The following TRAPPC12 variants were observed in gnomAD, a reference collection of about 807,000 sequenced individuals.
TRAPPC12 encodes TPR repeat protein 15.
TRAPPC12 carries 61 observed loss-of-function variants against 69.2 expected under a neutral mutation model. That is an observed-to-expected ratio of 0.88 (90% CI 0.72 to 1.09). The LOEUF is 1.09. Among genes scored for constraint, TRAPPC12 ranks in the 50% least tolerant of loss-of-function variants. The pLI, the probability that TRAPPC12 is intolerant of heterozygous loss-of-function variation, is 0.00. For missense variants in TRAPPC12, 1,101 were observed against 1,016.4 expected (o/e 1.08, Z -1.13); for synonymous variants, 469 against 438.9 (o/e 1.07, Z -0.86).
In TRAPPC12 at chr2:3,390,877, G is replaced by A. The variant is rs779928314; in HGVS notation, c.1047+2207G>A. Among the ~76,000 whole-genome samples the A allele has an allele frequency of 3.9e-5, 6 of 152,066 alleles. 1 individual carries two copies. In the South Asian group the frequency reaches 1.0e-3, roughly 26 times the overall value. ...AAGATCTCTATACCCGCTTAATTTCGCAGCAAACCTAAAAGTCCTCTAAGT... is the reference window on the plus strand; with the variant it reads ...AAGATCTCTATACCCGCTTAATTTCACAGCAAACCTAAAAGTCCTCTAAGT... On this transcript the variant is annotated intron_variant, in intron 2 of 11. Coordinates refer to ENST00000324266, the MANE Select transcript of TRAPPC12 (RefSeq NM_016030.6).
intron 9 of TRAPPC12, among the ~76,000 whole-genome samples, chr2:3,475,488 T>C (rs893909301): frequency 2.7e-5 from 4 of 148,306 alleles, no homozygotes; most frequent in African/African-American, 1.0e-4. Context: ...ATTGCATTTT[T>C]ATGTTTAATT....
intron 3 of TRAPPC12, among the ~76,000 whole-genome samples, chr2:3,419,829 G>C (rs1453091054): frequency 6.6e-6 from 1 of 152,140 alleles, no homozygotes; most frequent in African/African-American, 2.4e-5. Flanking sequence ...TGAAACGCAT[G>C]CCAGTTAGAG....
chr2:3,388,391 C>G lies in TRAPPC12; in HGVS notation c.768C>G (p.Thr256=). 1 of 1,603,230 alleles carries G rather than the reference C, an allele frequency of 6.2e-7. No individual in the cohort carries two copies. Residue 256 remains threonine, a synonymous_variant, in exon 2 of 12, where the codon ACC becomes ACG. Transcript: ENST00000324266. ...ASPPPLAVPG[T]EGRPEPVAMR... is the part of the protein sequence containing the mutation. ...CGCCTCCCCTCGCTGTGCCCGGGACCGAGGGGCGCCCCGAACCCGTGGCCA... is the reference window on the plus strand; with the variant it reads ...CGCCTCCCCTCGCTGTGCCCGGGACGGAGGGGCGCCCCGAACCCGTGGCCA...
intron 1 of TRAPPC12, among the ~76,000 whole-genome samples, chr2:3,380,146 G>C (rs1298418986): frequency 6.6e-6 from 1 of 152,186 alleles, no homozygotes; most frequent in African/African-American, 2.4e-5. Context: ...TTTGCGGGAA[G>C]GGGAAGCTGC....
chr2:3,413,012 G>C (rs564447822), intron 3 of TRAPPC12, among the ~76,000 whole-genome samples: 24 of 152,276 alleles, frequency 1.6e-4, no homozygotes, highest in African/African-American at 5.8e-4. Context: ...ATAAATGGTG[G>C]TCTTTGCTCC....
chr2:3,464,471 G>A (rs1051483203), intron 8 of TRAPPC12, among the ~76,000 whole-genome samples: 1 of 152,288 alleles, frequency 6.6e-6, no homozygotes, highest in East Asian at 1.9e-4. Context: ...CCAGTTTGGA[G>A]GAAATGGAAC....
chr2:3,444,973 G>C (rs1664433046), intron 6 of TRAPPC12, among the ~76,000 whole-genome samples: 1 of 152,146 alleles, frequency 6.6e-6, no homozygotes, highest in Non-Finnish European at 1.5e-5. Context: ...TCTTAAAACG[G>C]GGTTTAATTT....
At chr2:3,391,268 T>C (rs1660810270) in intron 2 of TRAPPC12, among the ~76,000 whole-genome samples, 1 of 152,136 alleles carries the variant, frequency 6.6e-6, no homozygotes, top group Non-Finnish European at 1.5e-5. Flanking sequence ...CAGCCCCCTT[T>C]AGTGCAACCA....
chr2:3,449,932 T>C (rs987363500), intron 6 of TRAPPC12, among the ~76,000 whole-genome samples: 1 of 152,142 alleles, frequency 6.6e-6, no homozygotes, highest in Non-Finnish European at 1.5e-5. Context: ...GCCACTTCCC[T>C]GCTCTTTGCC....
chr2:3,392,021 G>A (rs1045992312), intron 2 of TRAPPC12, among the ~76,000 whole-genome samples: 20 of 152,120 alleles, frequency 1.3e-4, no homozygotes, highest in Non-Finnish European at 1.5e-4. Context: ...ACTGGGTGCT[G>A]CAGTCCAACG....
intron 3 of TRAPPC12, among the ~76,000 whole-genome samples, chr2:3,420,421 G>A (rs984940936): frequency 3.9e-5 from 6 of 152,182 alleles, no homozygotes; most frequent in South Asian, 2.1e-4. Context: ...TAACAGCATC[G>A]TTCACATTTT....
chr2:3,387,897 G>A lies in TRAPPC12; in HGVS notation c.274G>A (p.Ala92Thr). ...AGDLGRVRDE[A>T]EPGGEGDPGP... ...CGACCTGGGCCGAGTGCGGGACGAAGCTGAGCCCGGAGGGGAAGGCGACCC... is the reference window on the plus strand; with the variant it reads ...CGACCTGGGCCGAGTGCGGGACGAAACTGAGCCCGGAGGGGAAGGCGACCC... Residue 92 changes from alanine to threonine, a missense_variant, in exon 2 of 12, where the codon GCT becomes ACT. By Grantham distance (58) the Ala-to-Thr change is moderately conservative. Transcript: ENST00000324266. 1 of 1,562,852 alleles carries A rather than the reference G, an allele frequency of 6.4e-7. No individual in the cohort carries two copies. Among genetic ancestry groups the A allele is most frequent in the Non-Finnish European group, 8.7e-7 (1 of 1,152,790 alleles).
chr2:3,428,713 G>A (rs986703466), intron 5 of TRAPPC12, among the ~76,000 whole-genome samples: 1 of 152,096 alleles, frequency 6.6e-6, no homozygotes, highest in Non-Finnish European at 1.5e-5. Context: ...TGACCCTGGC[G>A]CTGTGTCTTT....
At chr2:3,459,997 T>A in intron 7 of TRAPPC12, 1 of 560,652 alleles carries the variant, frequency 1.8e-6, no homozygotes, top group Non-Finnish European at 3.2e-6. Context: ...CATTTGGCCT[T>A]GTGTCTGGGC....
intron 8 of TRAPPC12, 96 bp from the exon 9 acceptor site, chr2:3,465,501 C>T (rs1185759778): frequency 1.3e-5 from 11 of 858,502 alleles, no homozygotes; most frequent in Non-Finnish European, 2.1e-5. Flanking sequence ...TGTCCTCTCT[C>T]TACACCGCGT....
At chr2:3,411,215 G>A (rs1001957358) in intron 3 of TRAPPC12, among the ~76,000 whole-genome samples, 1 of 152,120 alleles carries the variant, frequency 6.6e-6, no homozygotes, top group Non-Finnish European at 1.5e-5. Flanking sequence ...CATACTTGTT[G>A]TGAAAATGCT....
intron 2 of TRAPPC12, among the ~76,000 whole-genome samples, chr2:3,394,324 T>A (rs1660991687): frequency 6.6e-6 from 1 of 152,134 alleles, no homozygotes. Flanking sequence ...AAAGTTCTGT[T>A]ACTAGAAGAA....
intron 3 of TRAPPC12, among the ~76,000 whole-genome samples, chr2:3,407,893 G>A (rs1306123054): frequency 6.6e-6 from 1 of 152,154 alleles, no homozygotes; most frequent in Non-Finnish European, 1.5e-5. Flanking sequence ...AACACACTAA[G>A]AAAATAAGCA....
intron 6 of TRAPPC12, among the ~76,000 whole-genome samples, chr2:3,450,489 C>T (rs939559824): frequency 2.0e-5 from 3 of 152,224 alleles, no homozygotes; most frequent in Non-Finnish European, 4.4e-5. Context: ...GACCAGCCCT[C>T]CAGCCTGTGT....
Sources: allele counts gnomAD v4.1 joint callset (sites outside exome capture counted in the v4.1 genomes callset), GRCh38; gene constraint gnomAD v4.1.1; transcripts MANE v1.5; gene names NCBI Gene and HGNC (gene_info 2026-07-23, HGNC 2026-07-21).